C15orf61: variants seen among roughly 807,000 people sequenced by gnomAD.
C15orf61 encodes the protein uncharacterized protein C15orf61.
Under a neutral mutation model 13.7 loss-of-function variants are expected in C15orf61, and 12 were observed. The observed-to-expected ratio is 0.88, with a 90% CI of 0.56 to 1.42. The LOEUF (loss-of-function observed/expected upper bound fraction) is 1.42. Ranked by LOEUF, C15orf61 falls within the 40% of genes most tolerant of loss-of-function variation. C15orf61 has a pLI of 0.00. For missense variants in C15orf61, 248 were observed against 213.2 expected, an observed-to-expected ratio of 1.16 and a Z score of -1.02; for synonymous variants, 92 against 94.1, an observed-to-expected ratio of 0.98 and a Z score of 0.13.
intron 1 of C15orf61, among the ~76,000 whole-genome samples, chr15:67,524,073 A>T (rs1012178293): frequency 6.6e-6 from 1 of 152,238 alleles, no homozygotes; most frequent in Non-Finnish European, 1.5e-5. Context: ...TTTTAAATCA[A>T]TATGTTAACT....
rs1471348306 is a variant in C15orf61 at position 67,525,750 on chromosome 15, C to T, written c.347-668C>T. 1.3e-5 allele frequency among the ~76,000 whole-genome samples: 2 copies of T among 152,188 alleles called. No individual in the cohort carries two copies. Among genetic ancestry groups the T allele is most frequent in the Non-Finnish European group, 2.9e-5 (2 of 68,042 alleles). On this transcript the variant is annotated intron_variant, in intron 1 of 1. Coordinates refer to ENST00000342683, the MANE Select transcript of C15orf61 (RefSeq NM_001143936.2). The surrounding 1 kb of genome is among the most constrained non-coding windows in gnomAD (Gnocchi z 4.9). ...GTAATGTTGGCCGGGCGCGGTGGCT[C>T]ACACCTGTAATCCCAGCACTTTCGG...
Position 67,526,731 on chromosome 15 carries a change from CTG to C in C15orf61, c.*188_*189del. The C allele has an allele frequency of 2.2e-6, 1 of 452,294 alleles. No homozygotes were observed. Among genetic ancestry groups the C allele is most frequent in the Non-Finnish European group, 3.7e-6 (1 of 272,246 alleles). 28.0% of individuals were successfully genotyped at this position (452,294 alleles called of 1,614,324 possible). On this transcript the variant is annotated 3_prime_UTR_variant, in exon 2 of 2. Transcript: ENST00000342683. The stretch of plus-strand genomic sequence containing the variant: ...TATACATCGTTATATATTACATACT[CTG>C]TTTAGCTGATGTGAACTACAAACAC...
chr15:67,521,531 G>A lies in C15orf61; in HGVS notation c.283G>A (p.Ala95Thr). Residue 95 changes from alanine to threonine, a missense_variant, in exon 1 of 2, where the codon GCT (alanine) becomes ACT (threonine). Physicochemically the swap from Ala to Thr is moderately conservative, Grantham distance 58. Transcript: ENST00000342683. ...FPFIKYHCSK[A>T]PWQDLARQNR... ...CTTCATCAAGTACCACTGCTCCAAG[G>A]CTCCCTGGCAGGACCTGGCCCGGCA... The A allele has an allele frequency of 6.5e-7, 1 of 1,547,732 alleles. No homozygotes were observed.
chr15:67,526,371 C>T, intron 1 of C15orf61, 47 bp from the exon 2 acceptor site: 2 of 1,269,044 alleles, frequency 1.6e-6, no homozygotes, highest in Non-Finnish European at 2.2e-6. Flanking sequence ...CAGTAACTTG[C>T]ATGATTAATA....
Position 67,521,255 on chromosome 15 carries a change from G to A in C15orf61, c.7G>A (p.Ala3Thr), listed in dbSNP as rs937981734. ...GTCCCCGGCGCGGCGGGCCATGGAG[G>A]CCCTGAGGAGGGCCCACGAGGTCGC... is the stretch of plus-strand genomic sequence containing the variant. ME[A>T]LRRAHEVALR... is the part of the protein sequence containing the mutation. Residue 3 changes from alanine to threonine, a missense_variant, in exon 1 of 2, where the codon GCC becomes ACC. Coordinates refer to ENST00000342683, the MANE Select transcript of C15orf61 (RefSeq NM_001143936.2). 3 of 1,357,826 alleles carry A rather than the reference G, an allele frequency of 2.2e-6. No individual in the cohort carries two copies. The highest frequency in any genetic ancestry group is 1.5e-5 in the African/African-American group (1 of 65,508). 84.1% of individuals were successfully genotyped at this position (1,357,826 alleles called of 1,614,324 possible). A position where few individuals can be genotyped will look rare whatever the true frequency, so the allele number is the denominator to read the frequency against.
At chr15:67,521,921 C>G (rs978652643) in intron 1 of C15orf61, 1 of 678,068 alleles carries the variant, frequency 1.5e-6, no homozygotes, top group Non-Finnish European at 2.7e-6. Flanking sequence ...GAAACGCCCC[C>G]TAGAAAGTGG....
Position 67,521,310 on chromosome 15 carries a change from C to T in C15orf61, c.62C>T (p.Ala21Val). 1 of 1,523,648 alleles carries T rather than the reference C, an allele frequency of 6.6e-7. No homozygotes were observed. Among genetic ancestry groups the T allele is most frequent in the Middle Eastern group, 1.8e-4 (1 of 5,632 alleles). 94.4% of individuals were successfully genotyped at this position (1,523,648 alleles called of 1,614,324 possible). Residue 21 changes from alanine (A) to valine (V), a missense_variant, in exon 1 of 2, where the codon GCC becomes GTC. Transcript: ENST00000342683. ...CGCCTGCTGCTGTGTAGGCCGTGGG[C>T]CTCGCGCGCCGCCGCCCGCCCCAAG... Reference protein sequence around the residue: ...ALRLLLCRPWASRAAARPKPS... With the variant: ...ALRLLLCRPWVSRAAARPKPS...
rs951338389 is a variant in C15orf61, at chr15:67,526,572, C to T, written c.*27C>T. 8.8e-6 allele frequency: 13 copies of T among 1,482,534 alleles called. No homozygotes were observed. The highest frequency in any genetic ancestry group is 1.2e-5 in the Non-Finnish European group (13 of 1,110,614). The allele number at this position is 1,482,534 out of a possible 1,614,324, so 91.8% of individuals were successfully genotyped here. A position where few individuals can be genotyped will look rare whatever the true frequency, so the allele number is the denominator to read the frequency against. On this transcript the variant is annotated 3_prime_UTR_variant, in exon 2 of 2. Coordinates refer to ENST00000342683, the MANE Select transcript of C15orf61 (RefSeq NM_001143936.2). ...AGTGTGCGTCAAAGAACATAAATAT[C>T]AGTGGATTTTCTCTGTGTATATGTG...
chr15:67,521,295 T>A lies in C15orf61; in HGVS notation c.47T>A (p.Leu16Gln), dbSNP rs1007154387. Reference sequence around the variant, plus strand: ...CACGAGGTCGCGCTCCGCCTGCTGCTGTGTAGGCCGTGGGCCTCGCGCGCC... The same window carrying A: ...CACGAGGTCGCGCTCCGCCTGCTGCAGTGTAGGCCGTGGGCCTCGCGCGCC... ...RAHEVALRLL[L>Q]CRPWASRAAA... The change falls in exon 1 of 2, where the codon CTG becomes CAG. Residue 16 changes from leucine (L) to glutamine (Q), a missense_variant. Leu to Gln is a moderately radical substitution (Grantham distance 113, BLOSUM62 -2). Transcript: ENST00000342683. 3 of 1,502,638 alleles carry A rather than the reference T, an allele frequency of 2.0e-6. No individual in the cohort carries two copies. Among genetic ancestry groups the A allele is most frequent in the Non-Finnish European group, 2.7e-6 (3 of 1,130,422 alleles). 93.1% of individuals were successfully genotyped at this position (1,502,638 alleles called of 1,614,324 possible). A position where few individuals can be genotyped will look rare whatever the true frequency, so the allele number is the denominator to read the frequency against.
At position 67,529,164 on chromosome 15, in the gene C15orf61, T is replaced by C. The variant is rs1258530566; in HGVS notation, c.*2619T>C. Reference sequence around the variant, plus strand: ...AGTACAAAACCTTGCATCTCTTCTATTGTTATTTCTATACAAATGAATTAT... The same window carrying C: ...AGTACAAAACCTTGCATCTCTTCTACTGTTATTTCTATACAAATGAATTAT... On this transcript the variant is annotated 3_prime_UTR_variant, in exon 2 of 2. Coordinates refer to ENST00000342683, the MANE Select transcript of C15orf61 (RefSeq NM_001143936.2). This position sits in a 1 kb window ranked among gnomAD's most constrained non-coding sequence, Gnocchi z 4.4. The C allele has an allele frequency of 6.6e-6, 1 of 152,208 alleles. No homozygotes were observed. Among genetic ancestry groups the C allele is most frequent in the Non-Finnish European group, 1.5e-5 (1 of 68,034 alleles). 9.4% of individuals were successfully genotyped at this position (152,208 alleles called of 1,614,324 possible).
At chr15:67,522,842 CA>C (rs2084176148) in intron 1 of C15orf61, among the ~76,000 whole-genome samples, 1 of 152,128 alleles carries the variant, frequency 6.6e-6, no homozygotes. Flanking sequence ...ATAGGTAAAC[CA>C]TGAGCCAAAT....
rs1387732083 is a variant in C15orf61, at chr15:67,526,564, A to G, written c.*19A>G. ...GTATTGAAAGTGTGCGTCAAAGAAC[A>G]TAAATATCAGTGGATTTTCTCTGTG... On this transcript the variant is annotated 3_prime_UTR_variant, in exon 2 of 2. Coordinates refer to ENST00000342683, the MANE Select transcript of C15orf61 (RefSeq NM_001143936.2). 2 of 1,491,576 alleles carry G rather than the reference A, an allele frequency of 1.3e-6. No homozygotes were observed. The highest frequency in any genetic ancestry group is 1.8e-6 in the Non-Finnish European group (2 of 1,116,916). 92.4% of individuals were successfully genotyped at this position (1,491,576 alleles called of 1,614,324 possible). A position where few individuals can be genotyped will look rare whatever the true frequency, so the allele number is the denominator to read the frequency against.
At chr15:67,521,661 G>C (rs1055732312) in intron 1 of C15orf61, 67 bp downstream of exon 1, 1 of 1,363,922 alleles carries the variant, frequency 7.3e-7, no homozygotes, top group East Asian at 2.5e-5. Context: ...CAGCCACCGA[G>C]CACGTGACGA....
At chr15:67,522,744 A>T (rs1036422102) in intron 1 of C15orf61, among the ~76,000 whole-genome samples, 1 of 152,238 alleles carries the variant, frequency 6.6e-6, no homozygotes, top group African/African-American at 2.4e-5. Flanking sequence ...AGATTCGAGA[A>T]GTATAAGTTT....
In C15orf61 at chr15:67,521,413, C is replaced by T. The variant is rs1398817324; in HGVS notation, c.165C>T (p.Tyr55=). The part of the protein sequence containing the change: ...LPHWTSFCVP[Y]SAVRNDQFGL... ...ACTGGACCTCCTTCTGCGTGCCCTA[C>T]AGCGCCGTCCGCAACGACCAGTTCG... is the stretch of plus-strand genomic sequence containing the variant. Residue 55 remains tyrosine (Y), a synonymous_variant, in exon 1 of 2, where the codon TAC becomes TAT. Coordinates refer to ENST00000342683, the MANE Select transcript of C15orf61 (RefSeq NM_001143936.2). 7 of 1,544,616 alleles carry T rather than the reference C, an allele frequency of 4.5e-6. No homozygotes were observed. The Admixed American group carries it at 1.4e-4, about 30-fold the overall frequency.
chr15:67,522,984 C>T (rs1198735155), intron 1 of C15orf61, among the ~76,000 whole-genome samples: 1 of 152,106 alleles, frequency 6.6e-6, no homozygotes, highest in African/African-American at 2.4e-5. Context: ...GAACATTCCA[C>T]ACATAGAAAA....
At position 67,522,313 on chromosome 15, in the gene C15orf61, T is replaced by C. The variant is rs1399900046; in HGVS notation, c.346+719T>C. On this transcript the variant is annotated intron_variant, in intron 1 of 1. Transcript: ENST00000342683. ...CAGAAGGCCTCAAGATGTTTTGAACTTACTAATAGCTGGCATAAAATCAAT... is the reference window on the plus strand; with the variant it reads ...CAGAAGGCCTCAAGATGTTTTGAACCTACTAATAGCTGGCATAAAATCAAT... The C allele has an allele frequency of 1.0e-5, 7 of 681,998 alleles. No homozygotes were observed. The East Asian group carries it at 1.1e-4, about 10-fold the overall frequency. 42.2% of individuals were successfully genotyped at this position (681,998 alleles called of 1,614,324 possible). A position where few individuals can be genotyped will look rare whatever the true frequency, so the allele number is the denominator to read the frequency against.
chr15:67,524,840 T>TG (rs1208618044), intron 1 of C15orf61, among the ~76,000 whole-genome samples: 71 of 147,260 alleles, frequency 4.8e-4, no homozygotes, highest in South Asian at 1.5e-3. Flanking sequence ...TTTGTTTGTT[T>TG]TTTTTTTTTT....
rs562048757 is a variant in C15orf61 at position 67,529,612 on chromosome 15, G to A, written c.*3067G>A. On this transcript the variant is annotated 3_prime_UTR_variant, in exon 2 of 2. Coordinates refer to ENST00000342683, the MANE Select transcript of C15orf61 (RefSeq NM_001143936.2). This position sits in a 1 kb window ranked among gnomAD's most constrained non-coding sequence, Gnocchi z 4.4. The stretch of plus-strand genomic sequence containing the variant: ...CTAATTTTGTATTTTCTGTACAGAC[G>A]GTTTCACCATGTTGGTCAGGCTGGT... 3.3e-5 allele frequency: 5 copies of A among 152,278 alleles called. No individual in the cohort carries two copies. The highest frequency in any genetic ancestry group is 1.9e-4 in the East Asian group (1 of 5,174). 9.4% of individuals were successfully genotyped at this position (152,278 alleles called of 1,614,324 possible). A position where few individuals can be genotyped will look rare whatever the true frequency, so the allele number is the denominator to read the frequency against.
Sources: allele counts gnomAD v4.1 joint callset (sites outside exome capture counted in the v4.1 genomes callset), GRCh38; gene constraint gnomAD v4.1.1; non-coding constraint Gnocchi (gnomAD v3.1); transcripts MANE v1.5; gene names NCBI Gene and HGNC (gene_info 2026-07-23, HGNC 2026-07-21).